DMD: variants seen among roughly 807,000 people sequenced by gnomAD.
The protein encoded by DMD is dystrophin.
DMD carries 63 observed loss-of-function variants against 330.1 expected under a neutral mutation model. The observed-to-expected ratio is 0.19, with a 90% CI of 0.16 to 0.24. The LOEUF is 0.24. DMD is among the 10% of genes least tolerant of loss of function. The pLI is 1.00. For synonymous variants in DMD, 1,223 were observed against 959.8 expected, an observed-to-expected ratio of 1.27 and a Z score of -5.07; for missense variants, 3,344 against 2,684.1, an observed-to-expected ratio of 1.25 and a Z score of -5.43.
intron 67 of DMD, among the ~76,000 whole-genome samples, chrX:31,187,901 C>G (rs1231880892): frequency 2.7e-5 from 3 of 111,424 alleles, no homozygotes; most frequent in African/African-American, 9.8e-5. Context: ...GAGGACAGAA[C>G]AAGAAGAAAC....
chrX:32,204,682 A>C (rs2097055895), intron 44 of DMD, among the ~76,000 whole-genome samples: 1 of 110,612 alleles, frequency 9.0e-6, no homozygotes, highest in African/African-American at 3.3e-5. Flanking sequence ...TTTTCTTTTG[A>C]CTTACGGTTC....
chrX:31,248,646 C>A (rs1456449331), intron 63 of DMD, among the ~76,000 whole-genome samples: 1 of 112,168 alleles, frequency 8.9e-6, no homozygotes. Flanking sequence ...GATACTTTCT[C>A]TGCCTTTTCT....
chrX:32,650,438 G>A (rs944066101), intron 9 of DMD, among the ~76,000 whole-genome samples: 4 of 111,352 alleles, frequency 3.6e-5, no homozygotes, highest in African/African-American at 1.3e-4. Context: ...TTACCCCTCA[G>A]TAAAAGATTA....
intron 2 of DMD, among the ~76,000 whole-genome samples, chrX:32,868,961 C>A (rs1375296285): frequency 9.0e-6 from 1 of 111,677 alleles, no homozygotes; most frequent in Non-Finnish European, 1.9e-5. Context: ...GACCCACCCC[C>A]AACAGCAGTC....
intron 51 of DMD, among the ~76,000 whole-genome samples, chrX:31,730,952 T>C (rs1870747412): frequency 8.9e-6 from 1 of 111,919 alleles, no homozygotes; most frequent in South Asian, 3.6e-4. Flanking sequence ...TTCTAACGAA[T>C]TTTGGTTTTG....
intron 67 of DMD, among the ~76,000 whole-genome samples, chrX:31,186,520 G>T (rs993233425): frequency 2.7e-5 from 3 of 111,632 alleles, no homozygotes; most frequent in Admixed American, 9.5e-5. Flanking sequence ...GGTGGGAGGA[G>T]GGAGAAGATC....
chrX:31,826,750 G>A (rs1339849212), intron 49 of DMD, among the ~76,000 whole-genome samples: 1 of 112,099 alleles, frequency 8.9e-6, no homozygotes, highest in South Asian at 3.7e-4. Flanking sequence ...TTTAAATAGC[G>A]TATCAGTGGG....
At chrX:31,833,762 C>A (rs1198713821) in intron 49 of DMD, among the ~76,000 whole-genome samples, 1 of 110,918 alleles carries the variant, frequency 9.0e-6, no homozygotes, top group Non-Finnish European at 1.9e-5. Context: ...ATGCAGAATG[C>A]GGAGGTGCCA....
At chrX:32,853,805 A>C (rs1477456688) in intron 2 of DMD, among the ~76,000 whole-genome samples, 12 of 109,421 alleles carry the variant, frequency 1.1e-4, no homozygotes, top group African/African-American at 4.0e-4. Flanking sequence ...AACAACAACA[A>C]CAAACACCAA....
intron 1 of DMD, among the ~76,000 whole-genome samples, chrX:33,034,802 C>T (rs188557588): frequency 8.9e-6 from 1 of 111,947 alleles, no homozygotes; most frequent in East Asian, 2.8e-4. Flanking sequence ...ATTTACATAA[C>T]TTTTCTTTCC....
At chrX:31,440,471 A>G (rs2064861918) in intron 60 of DMD, among the ~76,000 whole-genome samples, 1 of 111,769 alleles carries the variant, frequency 8.9e-6, no homozygotes, top group Non-Finnish European at 1.9e-5. Context: ...TTAAGTCCAA[A>G]CGTAATAGGA....
chrX:32,409,877 C>A (rs907907905), intron 30 of DMD, among the ~76,000 whole-genome samples: 1 of 111,519 alleles, frequency 9.0e-6, no homozygotes, highest in Non-Finnish European at 1.9e-5. Context: ...TCCTATCATG[C>A]ATTTTACTAA....
chrX:32,048,609 C>G (rs887017140), intron 44 of DMD, among the ~76,000 whole-genome samples: 3 of 110,414 alleles, frequency 2.7e-5, no homozygotes, highest in Non-Finnish European at 1.9e-5. Flanking sequence ...TTCCTTTACC[C>G]TGATGATTTT....
chrX:32,012,169 G>T (rs747103069), intron 44 of DMD, among the ~76,000 whole-genome samples: 1 of 111,938 alleles, frequency 8.9e-6, no homozygotes, highest in Admixed American at 9.5e-5. Context: ...TCCCTTCTCT[G>T]TTTACTAGGA....
intron 30 of DMD, among the ~76,000 whole-genome samples, chrX:32,400,245 G>A (rs778982967): frequency 2.7e-5 from 3 of 111,691 alleles, no homozygotes; most frequent in Non-Finnish European, 5.6e-5. Flanking sequence ...GCTCTGTTTA[G>A]ATGCTGGATT....
At chrX:31,373,513 C>T (rs1317054759) in intron 60 of DMD, among the ~76,000 whole-genome samples, 3 of 104,017 alleles carry the variant, frequency 2.9e-5, no homozygotes, top group Admixed American at 1.1e-4. Context: ...AGAAATAATG[C>T]CGCATATCTA....
rs2092280100 is a variant in DMD, at chrX:32,969,027, C to CCAAAAAAAAA, written c.93+51111_93+51112insTTTTTTTTTG. ...TGGGAGACAGAATGAGATTCTGTCT[C>CCAAAAAAAAA]AAAAAAAAAAAAAAAAAAAAAAAAA... On this transcript the variant is annotated intron_variant, in intron 2 of 78. Coordinates refer to ENST00000357033, the MANE Select transcript of DMD (RefSeq NM_004006.3). Among the ~76,000 whole-genome samples the CCAAAAAAAAA allele has an allele frequency of 6.6e-4, 13 of 19,823 alleles. 1 individual carries two copies. The highest frequency in any genetic ancestry group is 2.0e-3 in the African/African-American group (13 of 6,418). The allele number at this position is 19,823 out of a possible 115,157, so 17.2% of individuals were successfully genotyped here. A position where few individuals can be genotyped will look rare whatever the true frequency, so the allele number is the denominator to read the frequency against.
intron 50 of DMD, among the ~76,000 whole-genome samples, chrX:31,803,116 T>C (rs1431600062): frequency 8.9e-6 from 1 of 112,085 alleles, no homozygotes; most frequent in East Asian, 2.8e-4. Flanking sequence ...CCATCTCCAT[T>C]GGTTGAAGGT....
chrX:31,200,229 T>C (rs1194142791), intron 67 of DMD, among the ~76,000 whole-genome samples: 2 of 112,144 alleles, frequency 1.8e-5, no homozygotes, highest in Non-Finnish European at 3.8e-5. Flanking sequence ...TGTCTTGTTA[T>C]ACCTTTTCTT....
Sources: allele counts gnomAD v4.1 joint callset (sites outside exome capture counted in the v4.1 genomes callset), GRCh38; gene constraint gnomAD v4.1.1; transcripts MANE v1.5; gene names NCBI Gene and HGNC (gene_info 2026-07-23, HGNC 2026-07-21).